FHIT: variants seen among roughly 807,000 people sequenced by gnomAD.
FHIT encodes the protein fragile histidine triad diadenosine triphosphatase, also known as bis(5'-adenosyl)-triphosphatase.
A neutral mutation model predicts 17.9 loss-of-function variants in FHIT; 19 were observed. That is an observed-to-expected ratio of 1.06 (90% confidence interval 0.74 to 1.56). FHIT has a LOEUF of 1.56. Ranked by LOEUF, FHIT falls within the 40% of genes most tolerant of loss-of-function variation. The probability of loss-of-function intolerance (pLI) is 0.00; values close to 1 mark genes in which losing one functional copy is unlikely to be tolerated. For missense variants in FHIT, 248 were observed against 189.2 expected (o/e 1.31, Z -1.82); for synonymous variants, 81 against 69.7 (o/e 1.16, Z -0.81).
chr3:60,066,857 C>G lies in FHIT; in HGVS notation c.104-52705G>C, dbSNP rs113396170. On this transcript the variant is annotated intron_variant, in intron 5 of 9. Coordinates refer to ENST00000492590, the MANE Select transcript of FHIT (RefSeq NM_002012.4). ...ATTTTTAGTAGAGACGGGGTTTCAC[C>G]GTGGTCTCGATCTCCTGACCTTGTG... Among the ~76,000 whole-genome samples, 688 of 151,776 alleles carry G rather than the reference C, an allele frequency of 4.5e-3. 6 individuals are homozygous for G. The highest frequency in any genetic ancestry group is 0.016 in the African/African-American group (648 of 41,422).
chr3:60,296,216 G>A (rs1416207953), intron 5 of FHIT, among the ~76,000 whole-genome samples: 2 of 152,046 alleles, frequency 1.3e-5, no homozygotes, highest in Non-Finnish European at 2.9e-5. Context: ...ATATAGAGGG[G>A]AAGGGGGGAA....
Position 60,997,683 on chromosome 3 carries a change from C to A in FHIT, c.-111+44364G>T, listed in dbSNP as rs80196743. Reference sequence around the variant, plus strand: ...CAAGAAGTAACTAGCAGTCAGAAAGCCTGATACTAGCCCTTGGTCTGCTGC... The same window carrying A: ...CAAGAAGTAACTAGCAGTCAGAAAGACTGATACTAGCCCTTGGTCTGCTGC... On this transcript the variant is annotated intron_variant, in intron 3 of 9. Coordinates refer to ENST00000492590, the MANE Select transcript of FHIT (RefSeq NM_002012.4). 1.4e-4 allele frequency among the ~76,000 whole-genome samples: 22 copies of A among 152,300 alleles called. No homozygotes were observed. The East Asian group carries it at 4.2e-3, about 29-fold the overall frequency.
chr3:60,918,259 T>C (rs1553767525), intron 3 of FHIT, among the ~76,000 whole-genome samples: 1 of 152,196 alleles, frequency 6.6e-6, no homozygotes, highest in Non-Finnish European at 1.5e-5. Context: ...TTAGCCAGTC[T>C]TTACTAGCAG....
chr3:61,134,787 C>T (rs1456132749), intron 2 of FHIT, among the ~76,000 whole-genome samples: 1 of 152,132 alleles, frequency 6.6e-6, no homozygotes, highest in Admixed American at 6.5e-5. Flanking sequence ...CAGCAAGAGG[C>T]TGGTTTGGCC....
At chr3:60,429,549 C>G (rs1272308985) in intron 5 of FHIT, among the ~76,000 whole-genome samples, 1 of 151,996 alleles carries the variant, frequency 6.6e-6, no homozygotes, top group Admixed American at 6.6e-5. Flanking sequence ...CAAACCCTGG[C>G]AAGAGCCTCC....
At chr3:60,267,763 T>C (rs995310998) in intron 5 of FHIT, among the ~76,000 whole-genome samples, 2 of 152,152 alleles carry the variant, frequency 1.3e-5, no homozygotes, top group Non-Finnish European at 1.5e-5. Flanking sequence ...TCCTAACAAA[T>C]TAGTTTTCTG....
chr3:59,832,392 C>G (rs961068606), intron 8 of FHIT, among the ~76,000 whole-genome samples: 1 of 151,858 alleles, frequency 6.6e-6, no homozygotes, highest in Admixed American at 6.6e-5. Context: ...TTTTCTTGCT[C>G]TAAGAAAAGG....
chr3:59,785,971 C>A lies in FHIT; in HGVS notation c.349-33650G>T, dbSNP rs147746972. Among the ~76,000 whole-genome samples, 11 of 152,286 alleles carry A rather than the reference C, an allele frequency of 7.2e-5. 1 individual carries two copies. The East Asian group carries it at 7.7e-4, about 11-fold the overall frequency. ...ACCCCGCTTAGAGGATCTGTCATGGCGCCTGTGAGCTCTGAGATCATGTCT... is the reference window on the plus strand; with the variant it reads ...ACCCCGCTTAGAGGATCTGTCATGGAGCCTGTGAGCTCTGAGATCATGTCT... On this transcript the variant is annotated intron_variant, in intron 8 of 9. Coordinates refer to ENST00000492590, the MANE Select transcript of FHIT (RefSeq NM_002012.4).
At chr3:60,710,856 A>G (rs1553704873) in intron 4 of FHIT, among the ~76,000 whole-genome samples, 1 of 152,194 alleles carries the variant, frequency 6.6e-6, no homozygotes, top group African/African-American at 2.4e-5. Context: ...GCACAGACAA[A>G]CAAAAAGACA....
chr3:60,940,683 G>C (rs782186975), intron 3 of FHIT, among the ~76,000 whole-genome samples: 1 of 152,130 alleles, frequency 6.6e-6, no homozygotes, highest in Non-Finnish European at 1.5e-5. Context: ...ATATTTCATA[G>C]TGTTCTGAAA....
intron 3 of FHIT, among the ~76,000 whole-genome samples, chr3:60,894,323 T>C (rs139640691): frequency 5.1e-4 from 77 of 152,354 alleles, no homozygotes; most frequent in Admixed American, 1.6e-3. Flanking sequence ...GACAAAACTA[T>C]GCATGGCTTA....
chr3:60,749,996 C>T (rs2042434330), intron 4 of FHIT, among the ~76,000 whole-genome samples: 1 of 152,094 alleles, frequency 6.6e-6, no homozygotes, highest in African/African-American at 2.4e-5. Context: ...TAGGCACTAC[C>T]TCTATTTCAT....
At chr3:60,822,344 T>G (rs1701958853) in intron 3 of FHIT, among the ~76,000 whole-genome samples, 1 of 152,196 alleles carries the variant, frequency 6.6e-6, no homozygotes, top group Non-Finnish European at 1.5e-5. Flanking sequence ...GTCCTGGCAC[T>G]GGGGCTTTCC....
intron 2 of FHIT, among the ~76,000 whole-genome samples, chr3:61,089,808 T>G (rs1214383820): frequency 6.6e-6 from 1 of 152,154 alleles, no homozygotes; most frequent in African/African-American, 2.4e-5. Context: ...AGATTTCAAT[T>G]TGACATAAGA....
At chr3:60,949,325 C>A (rs1027134041) in intron 3 of FHIT, among the ~76,000 whole-genome samples, 20 of 152,148 alleles carry the variant, frequency 1.3e-4, no homozygotes, top group African/African-American at 4.1e-4. Context: ...TGGATGCCAG[C>A]CTTTCAACCT....
intron 4 of FHIT, among the ~76,000 whole-genome samples, chr3:60,746,867 T>C (rs1553715462): frequency 6.6e-6 from 1 of 152,168 alleles, no homozygotes; most frequent in African/African-American, 2.4e-5. Flanking sequence ...GTTCAGCTAT[T>C]GTGAAACTTC....
At chr3:60,478,360 A>C (rs776455729) in intron 5 of FHIT, among the ~76,000 whole-genome samples, 18 of 152,216 alleles carry the variant, frequency 1.2e-4, no homozygotes, top group Admixed American at 2.0e-4. Context: ...AATCCTAGCC[A>C]ACAAATTCAA....
chr3:60,245,081 T>C (rs948929486), intron 5 of FHIT, among the ~76,000 whole-genome samples: 1 of 152,022 alleles, frequency 6.6e-6, no homozygotes, highest in Non-Finnish European at 1.5e-5. Flanking sequence ...TTGACAGAAA[T>C]ACAGCCTATA....
intron 4 of FHIT, among the ~76,000 whole-genome samples, chr3:60,720,613 G>A (rs187413792): frequency 2.8e-4 from 43 of 152,200 alleles, no homozygotes; most frequent in Middle Eastern, 3.4e-3. Context: ...TCAATGTCCA[G>A]GCTCTGCTGC....
Sources: allele counts gnomAD v4.1 joint callset (sites outside exome capture counted in the v4.1 genomes callset), GRCh38; gene constraint gnomAD v4.1.1; transcripts MANE v1.5; gene names NCBI Gene and HGNC (gene_info 2026-07-23, HGNC 2026-07-21).